The following ZNF282 variants were observed in gnomAD, a reference collection of about 807,000 sequenced individuals.
ZNF282 encodes the protein HTLV-I U5 repressive element-binding protein 1.
A neutral mutation model predicts 61.9 loss-of-function variants in ZNF282; 30 were observed. That is an observed-to-expected ratio of 0.48 (90% confidence interval 0.36 to 0.66). ZNF282 has a LOEUF of 0.66. Ranked by LOEUF, ZNF282 falls within the 30% of genes least tolerant of loss-of-function variation. ZNF282 has a pLI of 0.00. For missense variants in ZNF282, 788 were observed against 941.4 expected, an observed-to-expected ratio of 0.84 and a Z score of 2.13; for synonymous variants, 396 against 405.0, an observed-to-expected ratio of 0.98 and a Z score of 0.27.
intron 7 of ZNF282, among the ~76,000 whole-genome samples, chr7:149,215,975 C>T (rs1165682704): frequency 6.6e-6 from 1 of 152,178 alleles, no homozygotes; most frequent in Non-Finnish European, 1.5e-5. Flanking sequence ...TTCTTGGGGA[C>T]TTGTGCTGTG....
intron 7 of ZNF282, among the ~76,000 whole-genome samples, chr7:149,221,689 C>T (rs1342380283): frequency 1.3e-5 from 2 of 152,092 alleles, no homozygotes; most frequent in African/African-American, 2.4e-5. Flanking sequence ...TTCTTTTGGC[C>T]TCTGCACCTG....
At chr7:149,209,698 A>G (rs945891182) in intron 4 of ZNF282, among the ~76,000 whole-genome samples, 1 of 152,182 alleles carries the variant, frequency 6.6e-6, no homozygotes, top group Non-Finnish European at 1.5e-5. Context: ...AGTTGAAGGC[A>G]GGATCCCAGT....
Position 149,224,411 on chromosome 7 carries a change from C to T in ZNF282, c.1780C>T (p.Arg594Trp). Residue 594 changes from arginine to tryptophan, a missense_variant, in exon 8 of 8, where the codon CGG becomes TGG. Around this residue, in one of 3 missense-constraint regions of ZNF282, gnomAD observed 559 missense variants for 642.0 expected, o/e 0.87. Transcript: ENST00000610704. ...SRKEHLQNHQRLHTGERPFQC... is the reference protein window; with the variant it reads ...SRKEHLQNHQWLHTGERPFQC... Reference sequence around the variant, plus strand: ...TAAGGAGCACCTGCAGAACCACCAGCGGCTGCACACGGGCGAGCGGCCTTT... The same window carrying T: ...TAAGGAGCACCTGCAGAACCACCAGTGGCTGCACACGGGCGAGCGGCCTTT... 1 of 1,613,952 alleles carries T rather than the reference C, an allele frequency of 6.2e-7. No homozygotes were observed. The highest frequency in any genetic ancestry group is 8.5e-7 in the Non-Finnish European group (1 of 1,179,970).
chr7:149,216,022 A>C (rs1796156629), intron 7 of ZNF282, among the ~76,000 whole-genome samples: 2 of 152,224 alleles, frequency 1.3e-5, no homozygotes, highest in African/African-American at 4.8e-5. Context: ...GAGAACTTGC[A>C]AGGATTTGCA....
chr7:149,201,123 C>T (rs1032566995), intron 2 of ZNF282, among the ~76,000 whole-genome samples: 3 of 152,202 alleles, frequency 2.0e-5, no homozygotes, highest in Admixed American at 1.3e-4. Flanking sequence ...TCCTCATCTC[C>T]GTTGATGACG....
In ZNF282 at chr7:149,198,631, G is replaced by A; in HGVS notation, c.464G>A (p.Gly155Glu). 3 of 1,614,178 alleles carry A rather than the reference G, an allele frequency of 1.9e-6. No homozygotes were observed. The highest frequency in any genetic ancestry group is 2.5e-6 in the Non-Finnish European group (3 of 1,180,042). Residue 155 changes from glycine to glutamate, a missense_variant, in exon 2 of 8, where the codon GGG becomes GAG. Physicochemically the swap from Gly to Glu is moderately conservative, Grantham distance 98. Around this residue, in one of 3 missense-constraint regions of ZNF282, gnomAD observed 92 missense variants for 163.9 expected, o/e 0.56. Coordinates refer to ENST00000610704, the MANE Select transcript of ZNF282 (RefSeq NM_003575.4). The surrounding 1 kb of genome is among the most constrained non-coding windows in gnomAD (Gnocchi z 4.3). The stretch of plus-strand genomic sequence containing the variant: ...ATGGAGAGCAAGTGGGCCGTGCTGG[G>A]GACCCTGCTGCAGGAGTACGGGCTG... ...NHMESKWAVL[G>E]TLLQEYGLLQ...
intron 3 of ZNF282, 140 bp downstream of exon 3, chr7:149,206,962 T>C: frequency 8.1e-7 from 1 of 1,227,882 alleles, no homozygotes; most frequent in Admixed American, 2.4e-5. Flanking sequence ...TTGCTTATAA[T>C]GCTAGTAGGA....
chr7:149,217,433 G>A (rs1476739917), intron 7 of ZNF282, among the ~76,000 whole-genome samples: 1 of 152,108 alleles, frequency 6.6e-6, no homozygotes, highest in Non-Finnish European at 1.5e-5. Context: ...GAGTGGTGGT[G>A]GGCACCTGTA....
chr7:149,209,115 G>A (rs1158949276), intron 4 of ZNF282, among the ~76,000 whole-genome samples: 8 of 151,454 alleles, frequency 5.3e-5, no homozygotes, highest in Non-Finnish European at 1.0e-4. Context: ...TCAGGAGATC[G>A]AGAGCATCCT....
chr7:149,215,843 G>T (rs1293211435), intron 7 of ZNF282, among the ~76,000 whole-genome samples: 1 of 152,160 alleles, frequency 6.6e-6, no homozygotes, highest in African/African-American at 2.4e-5. Context: ...TGGCCCGAAG[G>T]CATAGGAACT....
chr7:149,206,525 A>AGGTCCG, intron 2 of ZNF282, 171 bp from the exon 3 acceptor site: 1 of 867,832 alleles, frequency 1.2e-6, no homozygotes, highest in Non-Finnish European at 1.8e-6. Flanking sequence ...AAGCATGAGA[A>AGGTCCG]GGTCCGGGAC....
chr7:149,212,612 G>A, intron 6 of ZNF282, 141 bp downstream of exon 6: 1 of 672,976 alleles, frequency 1.5e-6, no homozygotes, highest in Non-Finnish European at 2.5e-6. Context: ...ACGGAGTCTT[G>A]CTCTGTTGTT....
rs768553699 is a variant in ZNF282 at position 149,206,734 on chromosome 7, C to T, written c.624C>T (p.Ser208=). The change falls in exon 3 of 8, where the codon TCC becomes TCT. Residue 208 remains serine, a synonymous_variant. Coordinates refer to ENST00000610704, the MANE Select transcript of ZNF282 (RefSeq NM_003575.4). ...TTGTCGACATTGCTGTGTACTTCTC[C>T]GAAGACGAGTGGAAGAACTTGGACG... ...VTFVDIAVYF[S]EDEWKNLDEW... is the part of the protein sequence containing the mutation. The T allele has an allele frequency of 1.5e-5, 25 of 1,613,992 alleles. No individual in the cohort carries two copies. The highest frequency in any genetic ancestry group is 5.5e-5 in the South Asian group (5 of 91,078).
At chr7:149,221,005 G>A (rs946672785) in intron 7 of ZNF282, among the ~76,000 whole-genome samples, 1 of 149,882 alleles carries the variant, frequency 6.7e-6, no homozygotes, top group Non-Finnish European at 1.5e-5. Context: ...CCGCAGCCTC[G>A]ACCTCTCAGG....
intron 1 of ZNF282, among the ~76,000 whole-genome samples, chr7:149,196,092 C>T (rs980979406): frequency 6.6e-6 from 1 of 152,062 alleles, no homozygotes; most frequent in Non-Finnish European, 1.5e-5. Context: ...CTTGGGGCTC[C>T]CTTTGCGCCC....
In ZNF282 at chr7:149,213,779, C is replaced by T; in HGVS notation, c.1145C>T (p.Ser382Leu). The change falls in exon 7 of 8, where the codon TCA (serine) becomes TTA (leucine). Residue 382 changes from serine to leucine, a missense_variant. By Grantham distance (145) the Ser-to-Leu change is moderately radical. Around this residue, in one of 3 missense-constraint regions of ZNF282, gnomAD observed 559 missense variants for 642.0 expected, o/e 0.87. Transcript: ENST00000610704. ...CCATACCCATGGGGACCACGCGACT[C>T]AATGGACGGAGAGCTTGGATTAGAC... ...EQPYPWGPRD[S>L]MDGELGLDSG... The T allele has an allele frequency of 6.2e-7, 1 of 1,613,994 alleles. No individual in the cohort carries two copies. The highest frequency in any genetic ancestry group is 8.5e-7 in the Non-Finnish European group (1 of 1,179,978).
chr7:149,210,846 G>T, intron 5 of ZNF282, 142 bp downstream of exon 5: 1 of 1,253,018 alleles, frequency 8.0e-7, no homozygotes, highest in Non-Finnish European at 1.1e-6. Context: ...TGCATCCAGG[G>T]CTGGGCTGAG....
At position 149,207,359 on chromosome 7, in the gene ZNF282, G is replaced by C; in HGVS notation, c.721G>C (p.Gly241Arg). 4.4e-6 allele frequency: 7 copies of C among 1,587,412 alleles called. No individual in the cohort carries two copies. The highest frequency in any genetic ancestry group is 6.0e-6 in the Non-Finnish European group (7 of 1,165,188). ...CTCCTCCTCACTTCCAGACGCGGAGGGCTCAGTCCCCAAGCCAGATGCTCC... is the reference window on the plus strand; with the variant it reads ...CTCCTCCTCACTTCCAGACGCGGAGCGCTCAGTCCCCAAGCCAGATGCTCC... ...YKTLMSLDAE[G>R]SVPKPDAPVQ... Residue 241 changes from glycine (G) to arginine (R), a missense_variant, in exon 4 of 8, where the codon GGC becomes CGC. This residue lies in a region of ZNF282 where 559 missense variants were observed against 642.0 expected (regional missense o/e 0.87). Coordinates refer to ENST00000610704, the MANE Select transcript of ZNF282 (RefSeq NM_003575.4).
intron 1 of ZNF282, among the ~76,000 whole-genome samples, chr7:149,196,121 C>T (rs1435390262): frequency 6.6e-6 from 1 of 152,086 alleles, no homozygotes; most frequent in African/African-American, 2.4e-5. Flanking sequence ...GAGAGCTTCG[C>T]GGGCAGTGCT....
Sources: allele counts gnomAD v4.1 joint callset (sites outside exome capture counted in the v4.1 genomes callset), GRCh38; gene constraint gnomAD v4.1.1; regional missense constraint gnomAD v4.1.1; non-coding constraint Gnocchi (gnomAD v3.1); transcripts MANE v1.5; gene names NCBI Gene and HGNC (gene_info 2026-07-23, HGNC 2026-07-21).